Variants in RGS6 observed in about 807,000 individuals in gnomAD.
The protein encoded by RGS6 is regulator of G protein signaling 6.
RGS6 carries 30 observed loss-of-function variants against 78.5 expected under a neutral mutation model. That is an observed-to-expected ratio of 0.38 (90% CI 0.29 to 0.52). RGS6 has a LOEUF of 0.52. Ranked by LOEUF, RGS6 falls within the 20% of genes least tolerant of loss-of-function variation. The probability of loss-of-function intolerance (pLI) is 0.85; values close to 1 mark genes in which losing one functional copy is unlikely to be tolerated. For missense variants in RGS6, 495 were observed against 609.7 expected (o/e 0.81, Z 1.98); for synonymous variants, 206 against 206.0 (o/e 1.00, Z 0.00).
chr14:72,333,943 C>T (rs995998247), intron 2 of RGS6, among the ~76,000 whole-genome samples: 5 of 152,206 alleles, frequency 3.3e-5, no homozygotes, highest in African/African-American at 1.2e-4. Flanking sequence ...TTGGCAAAAG[C>T]TTTTTATCTG....
At chr14:72,008,266 A>G (rs916558008) in intron 2 of RGS6, among the ~76,000 whole-genome samples, 4 of 152,142 alleles carry the variant, frequency 2.6e-5, no homozygotes, top group African/African-American at 9.7e-5. Flanking sequence ...TTATTTGCAC[A>G]TGCCTCTATA....
intron 2 of RGS6, among the ~76,000 whole-genome samples, chr14:72,277,373 G>C (rs568478935): frequency 7.3e-5 from 11 of 151,134 alleles, no homozygotes; most frequent in African/African-American, 2.7e-4. Context: ...CGAAGCGGGC[G>C]GATCATGAGG....
At chr14:72,185,963 T>C (rs909754820) in intron 2 of RGS6, among the ~76,000 whole-genome samples, 2 of 152,246 alleles carry the variant, frequency 1.3e-5, no homozygotes, top group Non-Finnish European at 2.9e-5. Flanking sequence ...CATAATTTTT[T>C]CACACATCAA....
chr14:72,437,167 CAAAAA>C (rs71109735), intron 3 of RGS6, among the ~76,000 whole-genome samples: 2 of 75,016 alleles, frequency 2.7e-5, no homozygotes, highest in African/African-American at 5.9e-5. Flanking sequence ...ACTAAAAATA[CAAAAA>C]AAAAAAAAAA....
At chr14:72,580,858 G>T in the RGS6 span, among the ~76,000 whole-genome samples, 2 of 152,200 alleles carry the variant, frequency 1.3e-5, no homozygotes. Flanking sequence ...GCCAGGAAAA[G>T]CCCTGCCTTC....
chr14:72,008,123 T>C (rs1343828139), intron 2 of RGS6, among the ~76,000 whole-genome samples: 1 of 152,166 alleles, frequency 6.6e-6, no homozygotes, highest in African/African-American at 2.4e-5. Flanking sequence ...ATCATTTGCT[T>C]GCCTGGATTT....
chr14:72,023,009 C>T (rs2089037297), intron 2 of RGS6, among the ~76,000 whole-genome samples: 1 of 152,184 alleles, frequency 6.6e-6, no homozygotes, highest in African/African-American at 2.4e-5. Context: ...CGTCTGTGTT[C>T]ATCTATACTT....
intron 2 of RGS6, among the ~76,000 whole-genome samples, chr14:72,233,513 C>T (rs1381787052): frequency 6.6e-6 from 1 of 152,202 alleles, no homozygotes; most frequent in Non-Finnish European, 1.5e-5. Context: ...TTGAGATCAG[C>T]ACCTTCCACA....
At chr14:72,510,945 GA>G (rs1328759305) in intron 14 of RGS6, among the ~76,000 whole-genome samples, 2 of 152,160 alleles carry the variant, frequency 1.3e-5, no homozygotes, top group East Asian at 1.9e-4. Flanking sequence ...TTTAATAGGA[GA>G]AAAAAATAAG....
intron 2 of RGS6, among the ~76,000 whole-genome samples, chr14:72,030,436 G>C (rs2090660968): frequency 6.6e-6 from 1 of 152,214 alleles, no homozygotes; most frequent in Non-Finnish European, 1.5e-5. Flanking sequence ...AAGGAAAGCA[G>C]CTGTAGGTTG....
chr14:72,131,236 A>G (rs996338077), intron 2 of RGS6, among the ~76,000 whole-genome samples: 5 of 152,146 alleles, frequency 3.3e-5, no homozygotes, highest in African/African-American at 1.2e-4. Flanking sequence ...TTAATGCCCG[A>G]CTGTGGATTT....
chr14:72,521,708 T>C (rs2097044687), intron 15 of RGS6, among the ~76,000 whole-genome samples: 1 of 152,214 alleles, frequency 6.6e-6, no homozygotes, highest in African/African-American at 2.4e-5. Flanking sequence ...ACCATAAATA[T>C]ACAAAGTGTT....
intron 2 of RGS6, among the ~76,000 whole-genome samples, chr14:72,217,887 A>G (rs1417987756): frequency 6.6e-6 from 1 of 152,192 alleles, no homozygotes; most frequent in African/African-American, 2.4e-5. Flanking sequence ...ACATCTATAT[A>G]TGTATTCACA....
the RGS6 span, among the ~76,000 whole-genome samples, chr14:72,617,069 C>G: frequency 6.6e-6 from 1 of 152,184 alleles, no homozygotes; most frequent in Non-Finnish European, 1.5e-5. Flanking sequence ...AGTGCCCTGC[C>G]TTGGCCTGGG....
At chr14:71,898,678 C>T in the RGS6 span, among the ~76,000 whole-genome samples, 1 of 152,086 alleles carries the variant, frequency 6.6e-6, no homozygotes, top group African/African-American at 2.4e-5. Flanking sequence ...CCTCCCACCC[C>T]CCCGACAGGC....
chr14:71,968,873 C>T (rs558762523), intron 2 of RGS6, among the ~76,000 whole-genome samples: 15 of 152,286 alleles, frequency 9.8e-5, no homozygotes, highest in African/African-American at 1.9e-4. Context: ...ATGTGCACAA[C>T]GTGCAGGTTT....
At chr14:71,910,608 G>A in the RGS6 span, among the ~76,000 whole-genome samples, 1 of 152,140 alleles carries the variant, frequency 6.6e-6, no homozygotes, top group Non-Finnish European at 1.5e-5. Flanking sequence ...TGAGGGTTGA[G>A]GAGAAATTAC....
chr14:71,957,196 CAGA>C (rs940773943), intron 1 of RGS6, among the ~76,000 whole-genome samples: 1 of 152,136 alleles, frequency 6.6e-6, no homozygotes, highest in Non-Finnish European at 1.5e-5. Flanking sequence ...GTTAGGGAAG[CAGA>C]AGAAACCCTC....
intron 17 of RGS6, among the ~76,000 whole-genome samples, chr14:72,549,958 C>T (rs1017899328): frequency 6.6e-6 from 1 of 152,188 alleles, no homozygotes; most frequent in Admixed American, 6.5e-5. Flanking sequence ...GGGACTTGTC[C>T]TCAGCCCAGC....
Sources: allele counts gnomAD v4.1 joint callset (sites outside exome capture counted in the v4.1 genomes callset), GRCh38; gene constraint gnomAD v4.1.1; transcripts MANE v1.5; gene names NCBI Gene and HGNC (gene_info 2026-07-23, HGNC 2026-07-21).